AGBL1: variants seen among roughly 807,000 people sequenced by gnomAD.
AGBL1 encodes cytosolic carboxypeptidase 4.
Under a neutral mutation model 118.9 loss-of-function variants are expected in AGBL1, and 130 were observed. The ratio of observed to expected loss-of-function variants is 1.09; its 90% CI spans 0.95 to 1.26. AGBL1 has a LOEUF of 1.26. Ranked by LOEUF, AGBL1 falls within the 50% of genes most tolerant of loss-of-function variation. AGBL1 has a pLI of 0.00. For missense variants in AGBL1, 1,584 were observed against 1,298.1 expected (o/e 1.22, Z -3.38); for synonymous variants, 555 against 478.9 (o/e 1.16, Z -2.08).
At chr15:86,646,287 C>CT (rs1360221140) in intron 21 of AGBL1, among the ~76,000 whole-genome samples, 3 of 152,150 alleles carry the variant, frequency 2.0e-5, no homozygotes, top group African/African-American at 4.8e-5. Flanking sequence ...AGTAACAACT[C>CT]TAAGTGGAAG....
chr15:86,090,540 T>G (rs1408122167), intron 1 of AGBL1, among the ~76,000 whole-genome samples: 1 of 152,204 alleles, frequency 6.6e-6, no homozygotes, highest in Non-Finnish European at 1.5e-5. Context: ...TGAACATTTT[T>G]CATGCCAAGA....
At chr15:86,252,718 A>G (rs554123208) in intron 7 of AGBL1, among the ~76,000 whole-genome samples, 1 of 152,196 alleles carries the variant, frequency 6.6e-6, no homozygotes, top group Non-Finnish European at 1.5e-5. Flanking sequence ...AACTGTTCAG[A>G]GAAGCACAGG....
chr15:86,629,796 T>C (rs1404898133), intron 21 of AGBL1, among the ~76,000 whole-genome samples: 3 of 152,172 alleles, frequency 2.0e-5, no homozygotes, highest in African/African-American at 4.8e-5. Flanking sequence ...TTGACAGATA[T>C]TGCATTTCCT....
intron 22 of AGBL1, among the ~76,000 whole-genome samples, chr15:86,709,383 TTTGA>T (rs1205510580): frequency 6.6e-6 from 1 of 152,140 alleles, no homozygotes; most frequent in Non-Finnish European, 1.5e-5. Context: ...ACAAAAACTC[TTTGA>T]ATGCATGCTC....
chr15:86,145,130 A>G (rs1393811339), intron 3 of AGBL1, among the ~76,000 whole-genome samples: 1 of 152,166 alleles, frequency 6.6e-6, no homozygotes, highest in African/African-American at 2.4e-5. Context: ...CATCAGTCAT[A>G]GGATTTAGGG....
In AGBL1 at chr15:86,168,351, C is replaced by T. The variant is rs149938977; in HGVS notation, c.488+9325C>T. ...CTGGATGTTAATTTTATAAGAGCAC[C>T]ACGTTCTAGGCAGAGGCAGAAGCAA... is the stretch of plus-strand genomic sequence containing the variant. On this transcript the variant is annotated intron_variant, in intron 5 of 22. Transcript: ENST00000614907. 3.2e-3 allele frequency among the ~76,000 whole-genome samples: 488 copies of T among 152,118 alleles called. 1 individual carries two copies. The highest frequency in any genetic ancestry group is 5.1e-3 in the Non-Finnish European group (345 of 67,990).
intron 22 of AGBL1, among the ~76,000 whole-genome samples, chr15:86,720,991 A>G (rs939276088): frequency 1.3e-5 from 2 of 152,200 alleles, no homozygotes; most frequent in Non-Finnish European, 2.9e-5. Flanking sequence ...AGGCTCTGAA[A>G]TTGAGGCAAT....
intron 24 of AGBL1, among the ~76,000 whole-genome samples, chr15:86,990,162 A>C (rs1039063614): frequency 6.6e-6 from 1 of 152,152 alleles, no homozygotes; most frequent in Non-Finnish European, 1.5e-5. Context: ...CAAGCAAACT[A>C]ATGGTTAGAG....
chr15:86,579,594 A>C (rs1300031203), intron 21 of AGBL1, among the ~76,000 whole-genome samples: 1 of 152,200 alleles, frequency 6.6e-6, no homozygotes, highest in Non-Finnish European at 1.5e-5. Context: ...AATGGTCAGA[A>C]AAAAAGAGCC....
chr15:86,156,778 C>CTTT (rs1597469878), intron 4 of AGBL1, among the ~76,000 whole-genome samples: 1 of 78,194 alleles, frequency 1.3e-5, no homozygotes, highest in African/African-American at 1.2e-4. Context: ...TCTTTTCTTT[C>CTTT]TTTTTTCTTT....
chr15:86,475,445 A>G (rs2082544332), intron 18 of AGBL1, among the ~76,000 whole-genome samples: 1 of 152,204 alleles, frequency 6.6e-6, no homozygotes, highest in African/African-American at 2.4e-5. Context: ...TTCAGTAGGC[A>G]ATTCGATCAA....
At chr15:86,107,800 T>C (rs1246050633) in intron 1 of AGBL1, 1 of 152,220 alleles carries the variant, frequency 6.6e-6, no homozygotes, top group African/African-American at 2.4e-5. Flanking sequence ...GGTTCATGGA[T>C]TGGAAAACAG....
intron 15 of AGBL1, among the ~76,000 whole-genome samples, 179 bp from the exon 16 acceptor site, chr15:86,279,460 T>G: frequency 6.6e-6 from 1 of 152,200 alleles, no homozygotes. Flanking sequence ...GAACTGGCAG[T>G]AAGTTTACTT....
At chr15:86,481,111 C>T (rs1391225805) in intron 18 of AGBL1, among the ~76,000 whole-genome samples, 1 of 138,856 alleles carries the variant, frequency 7.2e-6, no homozygotes, top group Non-Finnish European at 1.5e-5. Flanking sequence ...TTGAACATAA[C>T]AGTTGAAGGA....
chr15:86,624,849 C>T (rs1353725843), intron 21 of AGBL1, among the ~76,000 whole-genome samples: 1 of 152,160 alleles, frequency 6.6e-6, no homozygotes, highest in African/African-American at 2.4e-5. Flanking sequence ...CTCTCCTGCC[C>T]ACATTGCCAA....
chr15:86,359,395 T>A lies in AGBL1; in HGVS notation c.2375-37971T>A, dbSNP rs1273485633. Reference sequence around the variant, plus strand: ...TTATCAGTATTGGTTTTCTTTTTTTTTTTTTTTTTTTTTTTTGAATTCCAC... The same window carrying A: ...TTATCAGTATTGGTTTTCTTTTTTTATTTTTTTTTTTTTTTTGAATTCCAC... On this transcript the variant is annotated intron_variant, in intron 17 of 22. Transcript: ENST00000614907. Among the ~76,000 whole-genome samples, 4 of 123,400 alleles carry A rather than the reference T, an allele frequency of 3.2e-5. No individual in the cohort carries two copies. In the Admixed American group the frequency reaches 3.3e-4, roughly 10 times the overall value. 81.0% of individuals were successfully genotyped at this position (123,400 alleles called of 152,430 possible). A position where few individuals can be genotyped will look rare whatever the true frequency, so the allele number is the denominator to read the frequency against.
At chr15:86,657,499 A>G (rs933678885) in intron 21 of AGBL1, among the ~76,000 whole-genome samples, 1 of 152,184 alleles carries the variant, frequency 6.6e-6, no homozygotes, top group Non-Finnish European at 1.5e-5. Context: ...GTATGTACAC[A>G]TATTGACTGG....
chr15:86,297,033 A>G (rs1451604059), intron 17 of AGBL1: 2 of 152,166 alleles, frequency 1.3e-5, no homozygotes, highest in African/African-American at 4.8e-5. Context: ...GACTTGAAAC[A>G]TGCAAAGGCC....
intron 1 of AGBL1, chr15:86,088,383 G>A (rs751118520): frequency 6.6e-6 from 1 of 152,260 alleles, no homozygotes; most frequent in African/African-American, 2.4e-5. Context: ...CTGGGTGCAA[G>A]TCTTGGAGAA....
Sources: gnomAD v4.1 joint callset for allele counts (sites outside exome capture counted in the v4.1 genomes callset) on GRCh38, gnomAD v4.1.1 for gene constraint, MANE v1.5 for transcripts, NCBI Gene and HGNC (gene_info 2026-07-23, HGNC 2026-07-21) for gene names.